Variants in IMMP2L observed in about 807,000 individuals in gnomAD.
IMMP2L encodes mitochondrial inner membrane protease subunit 2.
IMMP2L carries 18 observed loss-of-function variants against 19.3 expected under a neutral mutation model. The ratio of observed to expected loss-of-function variants is 0.93; its 90% CI spans 0.64 to 1.38. The LOEUF is 1.38. Among genes scored for constraint, IMMP2L ranks in the 40% most tolerant of loss-of-function variants. The pLI is 0.00. For missense variants in IMMP2L, 233 were observed against 218.2 expected (o/e 1.07, Z -0.43); for synonymous variants, 76 against 73.0 (o/e 1.04, Z -0.21).
At chr7:111,274,004 A>C (rs1397916502) in intron 3 of IMMP2L, among the ~76,000 whole-genome samples, 1 of 152,120 alleles carries the variant, frequency 6.6e-6, no homozygotes, top group Non-Finnish European at 1.5e-5. Context: ...ATAATTTTCA[A>C]AGTCTTTCAT....
intron 3 of IMMP2L, among the ~76,000 whole-genome samples, chr7:111,434,607 G>A (rs1239179601): frequency 2.6e-5 from 4 of 151,424 alleles, no homozygotes; most frequent in South Asian, 4.2e-4. Flanking sequence ...GTGCAGTGGC[G>A]CAATCTTGGC....
intron 3 of IMMP2L, among the ~76,000 whole-genome samples, chr7:111,256,051 G>C (rs2129633314): frequency 6.6e-6 from 1 of 152,070 alleles, no homozygotes; most frequent in East Asian, 1.9e-4. Flanking sequence ...TTAAAATGAA[G>C]CATAGAGATT....
intron 5 of IMMP2L, among the ~76,000 whole-genome samples, chr7:110,796,048 C>G (rs1307643436): frequency 1.3e-5 from 2 of 151,988 alleles, no homozygotes; most frequent in African/African-American, 4.8e-5. Flanking sequence ...TGAGTTCTCA[C>G]GAAATCTGAT....
chr7:110,928,496 C>T (rs1472233420), intron 4 of IMMP2L, among the ~76,000 whole-genome samples: 1 of 132,168 alleles, frequency 7.6e-6, no homozygotes, highest in Non-Finnish European at 1.6e-5. Flanking sequence ...AAAAGGAAAA[C>T]GATGATTTTT....
At chr7:111,446,071 C>T (rs1372376802) in intron 3 of IMMP2L, among the ~76,000 whole-genome samples, 7 of 151,918 alleles carry the variant, frequency 4.6e-5, no homozygotes, top group Non-Finnish European at 7.4e-5. Context: ...CACGGAATCT[C>T]GCTGATTGCT....
chr7:111,049,347 G>A (rs1792784264), intron 3 of IMMP2L, among the ~76,000 whole-genome samples: 1 of 151,788 alleles, frequency 6.6e-6, no homozygotes, highest in African/African-American at 2.4e-5. Flanking sequence ...TATCCAGGAT[G>A]GTCTCGATCT....
intron 1 of IMMP2L, among the ~76,000 whole-genome samples, chr7:111,548,977 G>A (rs1295753724): frequency 6.6e-6 from 1 of 152,106 alleles, no homozygotes; most frequent in Non-Finnish European, 1.5e-5. Context: ...ATCTCAAGCT[G>A]ACAACTAGGT....
chr7:111,289,708 G>A (rs1259802123), intron 3 of IMMP2L, among the ~76,000 whole-genome samples: 2 of 151,802 alleles, frequency 1.3e-5, no homozygotes, highest in Non-Finnish European at 2.9e-5. Flanking sequence ...GTTTTGTTTT[G>A]TTTTTTAAGA....
intron 5 of IMMP2L, among the ~76,000 whole-genome samples, chr7:110,703,145 G>A (rs1224571580): frequency 6.6e-6 from 1 of 152,020 alleles, no homozygotes; most frequent in Non-Finnish European, 1.5e-5. Flanking sequence ...TTTTTATTAT[G>A]AATAGATATT....
intron 3 of IMMP2L, among the ~76,000 whole-genome samples, chr7:111,366,264 A>G (rs557140093): frequency 6.6e-5 from 10 of 151,894 alleles, no homozygotes; most frequent in African/African-American, 2.4e-4. Flanking sequence ...TATCCTGGCT[A>G]GGAATGCAAA....
At chr7:110,822,752 G>C (rs1803147772) in intron 5 of IMMP2L, among the ~76,000 whole-genome samples, 1 of 152,152 alleles carries the variant, frequency 6.6e-6, no homozygotes, top group Non-Finnish European at 1.5e-5. Context: ...TAATTCAGAA[G>C]TGAGGAAGCC....
At chr7:110,829,622 C>T (rs1316460132) in intron 5 of IMMP2L, among the ~76,000 whole-genome samples, 2 of 151,950 alleles carry the variant, frequency 1.3e-5, no homozygotes, top group Admixed American at 1.3e-4. Context: ...AGAGAAAAAC[C>T]CCAAGCATCT....
chr7:111,134,357 G>A (rs1042906124), intron 3 of IMMP2L, among the ~76,000 whole-genome samples: 1 of 151,848 alleles, frequency 6.6e-6, no homozygotes, highest in African/African-American at 2.4e-5. Context: ...CTTAAAGAAA[G>A]AGTATTTGTA....
At chr7:111,018,918 G>T (rs888968215) in intron 3 of IMMP2L, among the ~76,000 whole-genome samples, 7 of 150,096 alleles carry the variant, frequency 4.7e-5, no homozygotes, top group Non-Finnish European at 1.0e-4. Flanking sequence ...ATTTGCAATG[G>T]TTCAATCTTT....
intron 5 of IMMP2L, among the ~76,000 whole-genome samples, chr7:110,856,828 A>C (rs1437821576): frequency 6.6e-6 from 1 of 152,044 alleles, no homozygotes; most frequent in Non-Finnish European, 1.5e-5. Context: ...TGCTGATGAG[A>C]TGGCTTGGTG....
Position 110,663,732 on chromosome 7 carries a change from G to A in IMMP2L, c.409-11C>T, listed in dbSNP as rs1276974053. On this transcript the variant is annotated splice_polypyrimidine_tract_variant and intron_variant, in intron 5 of 5. Coordinates refer to ENST00000405709, the MANE Select transcript of IMMP2L (RefSeq NM_032549.4). The stretch of plus-strand genomic sequence containing the variant: ...AAGTCCTAGGGAAACCTTAATTCAT[G>A]AGAAACAGAAAGAAAGCAATAAAGA... 5.8e-6 allele frequency: 9 copies of A among 1,546,088 alleles called. No individual in the cohort carries two copies. The highest frequency in any genetic ancestry group is 1.4e-5 in the African/African-American group (1 of 71,362).
chr7:110,777,486 A>G (rs1466049226), intron 5 of IMMP2L, among the ~76,000 whole-genome samples: 1 of 151,990 alleles, frequency 6.6e-6, no homozygotes, highest in African/African-American at 2.4e-5. Flanking sequence ...CTGTTCCAAT[A>G]AGACCCCGTA....
chr7:111,447,661 A>G (rs543845328), intron 3 of IMMP2L, among the ~76,000 whole-genome samples: 1 of 152,038 alleles, frequency 6.6e-6, no homozygotes, highest in Admixed American at 6.6e-5. Flanking sequence ...AAGGAACGAA[A>G]TCACCAGCTA....
At chr7:111,291,820 T>C (rs1821138787) in intron 3 of IMMP2L, among the ~76,000 whole-genome samples, 1 of 152,156 alleles carries the variant, frequency 6.6e-6, no homozygotes. Flanking sequence ...GATTTAATCA[T>C]TCCACATTGT....
Sources: gnomAD v4.1 joint callset for allele counts (sites outside exome capture counted in the v4.1 genomes callset) on GRCh38, gnomAD v4.1.1 for gene constraint, MANE v1.5 for transcripts, NCBI Gene and HGNC (gene_info 2026-07-23, HGNC 2026-07-21) for gene names.